Variants in ZBTB44 observed in about 807,000 individuals in gnomAD.
ZBTB44 encodes the protein zinc finger and BTB domain-containing protein 44.
ZBTB44 carries 15 observed loss-of-function variants against 54.0 expected under a neutral mutation model. That is an observed-to-expected ratio of 0.28 (90% CI 0.19 to 0.43). The LOEUF (loss-of-function observed/expected upper bound fraction) is 0.43, where lower values mean the gene tolerates loss of function less well. Ranked by LOEUF, ZBTB44 falls within the 20% of genes least tolerant of loss-of-function variation. The probability of loss-of-function intolerance (pLI) is 1.00; values close to 1 mark genes in which losing one functional copy is unlikely to be tolerated. For missense variants in ZBTB44, 487 were observed against 707.1 expected, an observed-to-expected ratio of 0.69 and a Z score of 3.53; for synonymous variants, 230 against 250.1, an observed-to-expected ratio of 0.92 and a Z score of 0.76.
intron 2 of ZBTB44, among the ~76,000 whole-genome samples, chr11:130,247,216 C>G (rs976850735): frequency 2.6e-5 from 4 of 152,142 alleles, no homozygotes; most frequent in Admixed American, 1.3e-4. Flanking sequence ...AAATGAGCAA[C>G]AAACTCAACC....
intron 1 of ZBTB44, among the ~76,000 whole-genome samples, chr11:130,273,362 T>G (rs1263985535): frequency 1.4e-5 from 2 of 146,178 alleles, no homozygotes; most frequent in Non-Finnish European, 3.0e-5. Flanking sequence ...CAGGCTGGAG[T>G]GCAATGGTAT....
chr11:130,271,785 C>T (rs986190557), intron 1 of ZBTB44, among the ~76,000 whole-genome samples: 7 of 152,038 alleles, frequency 4.6e-5, no homozygotes, highest in East Asian at 1.9e-4. Flanking sequence ...TATAAACAAT[C>T]GTGTAAGTTT....
chr11:130,262,024 A>C (rs1453029588), intron 1 of ZBTB44, 95 bp from the exon 2 acceptor site: 13 of 936,020 alleles, frequency 1.4e-5, no homozygotes, highest in African/African-American at 3.3e-5. Flanking sequence ...TAAATTAAAA[A>C]GCTGAAAGAT....
chr11:130,264,816 A>G (rs1442051899), intron 1 of ZBTB44, among the ~76,000 whole-genome samples: 1 of 152,174 alleles, frequency 6.6e-6, no homozygotes, highest in Non-Finnish European at 1.5e-5. Flanking sequence ...AACTTTGCAA[A>G]TATTGTGTTT....
intron 4 of ZBTB44, among the ~76,000 whole-genome samples, chr11:130,237,725 T>C (rs996539232): frequency 1.3e-5 from 2 of 152,198 alleles, no homozygotes; most frequent in African/African-American, 4.8e-5. Context: ...AGTCTACGGA[T>C]TGAACAAAGT....
At chr11:130,232,783 T>C (rs1403869619) in intron 7 of ZBTB44, 2 of 152,300 alleles carry the variant, frequency 1.3e-5, no homozygotes. Flanking sequence ...GGAGGATCAC[T>C]TGGTCTAGGA....
chr11:130,266,961 A>T (rs549110551), intron 1 of ZBTB44, among the ~76,000 whole-genome samples: 105 of 152,322 alleles, frequency 6.9e-4, no homozygotes, highest in African/African-American at 2.5e-3. Flanking sequence ...ATTTAAAAAA[A>T]TTTTTAATTA....
At chr11:130,289,732 T>G (rs534015795) in intron 1 of ZBTB44, among the ~76,000 whole-genome samples, 1 of 152,298 alleles carries the variant, frequency 6.6e-6, no homozygotes, top group East Asian at 1.9e-4. Flanking sequence ...CAAGAACGTA[T>G]GTCCTCAAGG....
intron 1 of ZBTB44, among the ~76,000 whole-genome samples, chr11:130,284,046 T>C (rs1182442193): frequency 6.9e-6 from 1 of 145,166 alleles, no homozygotes; most frequent in Admixed American, 6.9e-5. Context: ...CAAGCACATA[T>C]GGGAGGCTGA....
chr11:130,264,532 C>T (rs1303314828), intron 1 of ZBTB44, among the ~76,000 whole-genome samples: 5 of 152,150 alleles, frequency 3.3e-5, no homozygotes, highest in Non-Finnish European at 1.5e-5. Flanking sequence ...AGCTGGAGAA[C>T]TAACTCCACA....
intron 1 of ZBTB44, among the ~76,000 whole-genome samples, chr11:130,303,665 C>CA (rs984448751): frequency 1.5e-4 from 22 of 151,680 alleles, no homozygotes; most frequent in African/African-American, 4.6e-4. Context: ...CAAAAAAACC[C>CA]AAAAAAACAC....
At chr11:130,258,431 A>G (rs574648320) in intron 2 of ZBTB44, among the ~76,000 whole-genome samples, 1 of 152,288 alleles carries the variant, frequency 6.6e-6, no homozygotes, top group African/African-American at 2.4e-5. Context: ...TCTCTGTAAA[A>G]CCAAACTCAC....
chr11:130,299,622 T>C lies in ZBTB44; in HGVS notation c.-57+14753A>G, dbSNP rs140827240. Reference sequence around the variant, plus strand: ...ACTTACCACCTCATACCCATTTGAATGTCTAATGTAATAGTAAAAAAAAAA... The same window carrying C: ...ACTTACCACCTCATACCCATTTGAACGTCTAATGTAATAGTAAAAAAAAAA... On this transcript the variant is annotated intron_variant, in intron 1 of 7. Coordinates refer to ENST00000357899, the MANE Select transcript of ZBTB44 (RefSeq NM_001301098.2). Among the ~76,000 whole-genome samples the C allele has an allele frequency of 8.0e-5, 12 of 150,064 alleles. No individual in the cohort carries two copies. The East Asian group carries it at 2.3e-3, about 29-fold the overall frequency.
At chr11:130,251,003 G>T (rs576073564) in intron 2 of ZBTB44, among the ~76,000 whole-genome samples, 4 of 152,144 alleles carry the variant, frequency 2.6e-5, no homozygotes, top group Non-Finnish European at 4.4e-5. Context: ...TCCACTAACG[G>T]AGCATGTTCT....
intron 6 of ZBTB44, chr11:130,233,631 G>C: frequency 7.9e-7 from 1 of 1,263,154 alleles, no homozygotes; most frequent in South Asian, 2.2e-5. Context: ...AGTTTCTCAT[G>C]TACCCTCTTG....
intron 1 of ZBTB44, among the ~76,000 whole-genome samples, chr11:130,275,327 G>T (rs1191078185): frequency 1.3e-5 from 2 of 152,012 alleles, no homozygotes; most frequent in Non-Finnish European, 2.9e-5. Flanking sequence ...ATTCACCATA[G>T]AACATTTTCT....
intron 1 of ZBTB44, among the ~76,000 whole-genome samples, chr11:130,263,065 A>T (rs553878692): frequency 6.6e-6 from 1 of 152,348 alleles, no homozygotes; most frequent in East Asian, 1.9e-4. Flanking sequence ...CGTCTAAAAA[A>T]ATATAAGTCA....
chr11:130,268,973 T>C (rs1220702912), intron 1 of ZBTB44, among the ~76,000 whole-genome samples: 1 of 151,644 alleles, frequency 6.6e-6, no homozygotes, highest in African/African-American at 2.4e-5. Context: ...GAAGTTTTTA[T>C]AAGTTAGCCA....
chr11:130,261,989 G>C lies in ZBTB44; in HGVS notation c.-56-60C>G. 1.6e-6 allele frequency: 2 copies of C among 1,253,568 alleles called. No homozygotes were observed. The highest frequency in any genetic ancestry group is 2.1e-6 in the Non-Finnish European group (2 of 936,258). The allele number at this position is 1,253,568 out of a possible 1,614,324, so 77.7% of individuals were successfully genotyped here. ...TTTTAGTGGTTTAAAATGTGATTTA[G>C]ATCATTTTCATGTGGCCACTGTACT... is the stretch of plus-strand genomic sequence containing the variant. On this transcript the variant is annotated intron_variant, in intron 1 of 7. Transcript: ENST00000357899. This position sits in a 1 kb window ranked among gnomAD's most constrained non-coding sequence, Gnocchi z 4.8.
Sources: gnomAD v4.1 joint callset for allele counts (sites outside exome capture counted in the v4.1 genomes callset) on GRCh38, gnomAD v4.1.1 for gene constraint, Gnocchi (gnomAD v3.1) non-coding constraint, MANE v1.5 for transcripts, NCBI Gene and HGNC (gene_info 2026-07-23, HGNC 2026-07-21) for gene names.